The following GABRB2 variants were observed in gnomAD, a reference collection of about 807,000 sequenced individuals.
GABRB2 encodes gamma-aminobutyric acid receptor subunit beta-2.
In GABRB2, 16 loss-of-function variants were observed where a neutral mutation model predicts 54.7. The observed-to-expected ratio is 0.29, with a 90% CI of 0.20 to 0.44. The LOEUF is 0.44. GABRB2 is among the 20% of genes least tolerant of loss of function. The probability of loss-of-function intolerance (pLI) is 1.00; values close to 1 mark genes in which losing one functional copy is unlikely to be tolerated. For missense variants in GABRB2, 355 were observed against 644.0 expected (o/e 0.55, Z 4.86); for synonymous variants, 244 against 233.8 (o/e 1.04, Z -0.40).
intron 4 of GABRB2, among the ~76,000 whole-genome samples, chr5:161,421,085 T>C (rs1466281387): frequency 6.6e-6 from 1 of 152,228 alleles, no homozygotes; most frequent in African/African-American, 2.4e-5. Flanking sequence ...ATTTTCTTCA[T>C]GATATTTGTC....
At chr5:161,422,752 G>A (rs956042352) in intron 4 of GABRB2, among the ~76,000 whole-genome samples, 1 of 152,078 alleles carries the variant, frequency 6.6e-6, no homozygotes, top group Non-Finnish European at 1.5e-5. Flanking sequence ...TTCTCTACAT[G>A]AGATATGGAA....
intron 4 of GABRB2, among the ~76,000 whole-genome samples, chr5:161,443,814 A>G (rs1056275332): frequency 6.6e-6 from 1 of 152,172 alleles, no homozygotes; most frequent in African/African-American, 2.4e-5. Flanking sequence ...TCATGCCATC[A>G]TCAGGGGTAA....
intron 5 of GABRB2, among the ~76,000 whole-genome samples, chr5:161,356,249 AC>A (rs1754623082): frequency 6.6e-6 from 1 of 152,206 alleles, no homozygotes; most frequent in Non-Finnish European, 1.5e-5. Flanking sequence ...GTAGTAAGAA[AC>A]CACCAGAATA....
At chr5:161,299,016 T>A (rs1451833430) in intron 9 of GABRB2, among the ~76,000 whole-genome samples, 3 of 152,138 alleles carry the variant, frequency 2.0e-5, no homozygotes, top group African/African-American at 4.8e-5. Context: ...CAGCATTCCA[T>A]GGCTCATAAA....
At chr5:161,341,343 A>T (rs1053818976) in intron 5 of GABRB2, among the ~76,000 whole-genome samples, 7 of 152,016 alleles carry the variant, frequency 4.6e-5, no homozygotes, top group Non-Finnish European at 7.4e-5. Context: ...AAGGAAATGC[A>T]CTGAAGCACT....
chr5:161,373,382 C>G (rs954408303), intron 5 of GABRB2, among the ~76,000 whole-genome samples: 2 of 152,252 alleles, frequency 1.3e-5, no homozygotes, highest in Non-Finnish European at 2.9e-5. Context: ...GAAGACTAAA[C>G]AATATATAAT....
At chr5:161,513,063 A>C (rs1175560678) in intron 3 of GABRB2, among the ~76,000 whole-genome samples, 1 of 151,574 alleles carries the variant, frequency 6.6e-6, no homozygotes, top group Non-Finnish European at 1.5e-5. Flanking sequence ...AAAGAAAAAA[A>C]AAAACAAAAA....
chr5:161,296,115 C>T (rs1757374347), intron 9 of GABRB2, among the ~76,000 whole-genome samples: 1 of 152,118 alleles, frequency 6.6e-6, no homozygotes, highest in Non-Finnish European at 1.5e-5. Context: ...TTTCTCAAAG[C>T]CACATAGTTA....
chr5:161,316,570 CCTTT>C (rs1758035069), intron 9 of GABRB2, among the ~76,000 whole-genome samples: 1 of 151,770 alleles, frequency 6.6e-6, no homozygotes, highest in Admixed American at 6.6e-5. Flanking sequence ...TGTCTTTTTT[CCTTT>C]CTTTCTTTGT....
At chr5:161,475,471 T>C (rs1423539277) in intron 3 of GABRB2, among the ~76,000 whole-genome samples, 1 of 151,952 alleles carries the variant, frequency 6.6e-6, no homozygotes, top group African/African-American at 2.4e-5. Context: ...ACTCATTTTA[T>C]GTGGCCAGCA....
intron 5 of GABRB2, among the ~76,000 whole-genome samples, chr5:161,345,886 C>A (rs1238460266): frequency 6.6e-6 from 1 of 152,210 alleles, no homozygotes; most frequent in African/African-American, 2.4e-5. Context: ...GAGTGGCATT[C>A]ACACAAGTTT....
intron 5 of GABRB2, among the ~76,000 whole-genome samples, chr5:161,341,353 T>G (rs1159177403): frequency 6.6e-6 from 1 of 152,006 alleles, no homozygotes; most frequent in Admixed American, 6.6e-5. Context: ...ACTGAAGCAC[T>G]TCGTTAATGT....
chr5:161,460,612 T>G (rs971782177), intron 3 of GABRB2, among the ~76,000 whole-genome samples: 7 of 152,158 alleles, frequency 4.6e-5, no homozygotes, highest in Non-Finnish European at 8.8e-5. Flanking sequence ...AAAAATTAAC[T>G]AGCACATCCA....
intron 5 of GABRB2, among the ~76,000 whole-genome samples, chr5:161,337,386 T>C (rs987994866): frequency 4.6e-5 from 7 of 152,138 alleles, no homozygotes; most frequent in Non-Finnish European, 1.0e-4. Context: ...ATATTTAGTT[T>C]CAAAGAAAAT....
chr5:161,361,178 G>A (rs1050973954), intron 5 of GABRB2, among the ~76,000 whole-genome samples: 4 of 151,774 alleles, frequency 2.6e-5, no homozygotes, highest in African/African-American at 9.7e-5. Flanking sequence ...ACAATTGTAT[G>A]GGCTTCATTT....
chr5:161,499,256 T>C (rs905804952), intron 3 of GABRB2, among the ~76,000 whole-genome samples: 20 of 152,270 alleles, frequency 1.3e-4, no homozygotes, highest in African/African-American at 4.8e-4. Flanking sequence ...ATTATTTCTC[T>C]CTCTTATTTG....
intron 3 of GABRB2, among the ~76,000 whole-genome samples, chr5:161,513,599 G>T (rs1455741720): frequency 6.6e-6 from 1 of 151,952 alleles, no homozygotes; most frequent in Non-Finnish European, 1.5e-5. Flanking sequence ...TGGACATACA[G>T]ATGGCAGCAA....
chr5:161,422,260 G>A (rs924917869), intron 4 of GABRB2, among the ~76,000 whole-genome samples: 1 of 151,904 alleles, frequency 6.6e-6, no homozygotes, highest in Non-Finnish European at 1.5e-5. Flanking sequence ...AAATATTCTA[G>A]GTAAGTACTA....
At chr5:161,496,093 G>A (rs1254382873) in intron 3 of GABRB2, among the ~76,000 whole-genome samples, 3 of 152,046 alleles carry the variant, frequency 2.0e-5, no homozygotes, top group South Asian at 2.1e-4. Flanking sequence ...CACTGGGAAC[G>A]GGCCACCAAA....
Sources: gnomAD v4.1 joint callset for allele counts (sites outside exome capture counted in the v4.1 genomes callset) on GRCh38, gnomAD v4.1.1 for gene constraint, MANE v1.5 for transcripts, NCBI Gene and HGNC (gene_info 2026-07-23, HGNC 2026-07-21) for gene names.